Variants in USP34 observed in about 807,000 individuals in gnomAD.
USP34 encodes the protein ubiquitin specific peptidase 34.
USP34 carries 70 observed loss-of-function variants against 460.3 expected under a neutral mutation model. The observed-to-expected ratio is 0.15, with a 90% CI of 0.13 to 0.19. USP34 has a LOEUF of 0.19. Ranked by LOEUF, USP34 falls within the 10% of genes least tolerant of loss-of-function variation. The pLI, the probability that USP34 is intolerant of heterozygous loss-of-function variation, is 1.00. For missense variants in USP34, 3,985 were observed against 4,236.2 expected (o/e 0.94, Z 1.65); for synonymous variants, 1,647 against 1,405.3 (o/e 1.17, Z -3.85).
chr2:61,219,409 AC>A (rs893745843), intron 67 of USP34, among the ~76,000 whole-genome samples: 2 of 152,176 alleles, frequency 1.3e-5, no homozygotes, highest in African/African-American at 4.8e-5. Context: ...GGTGGCTCAC[AC>A]CTGTAATCCC....
At chr2:61,244,434 G>GT (rs1327140364) in intron 51 of USP34, among the ~76,000 whole-genome samples, 2 of 152,034 alleles carry the variant, frequency 1.3e-5, no homozygotes. Context: ...GGCCAACATG[G>GT]TGAAACTCCA....
chr2:61,416,810 C>CTT (rs538222690), intron 2 of USP34: 46 of 333,618 alleles, frequency 1.4e-4, no homozygotes, highest in Admixed American at 3.0e-4. Context: ...CCTCCCTAAT[C>CTT]TTTTTTTTTT....
At chr2:61,436,669 T>C (rs1172286712) in intron 1 of USP34, among the ~76,000 whole-genome samples, 1 of 152,208 alleles carries the variant, frequency 6.6e-6, no homozygotes, top group Non-Finnish European at 1.5e-5. Flanking sequence ...AGTTTTCAAC[T>C]GCATCATAGA....
chr2:61,421,847 G>A (rs1694370552), intron 1 of USP34, among the ~76,000 whole-genome samples: 1 of 152,090 alleles, frequency 6.6e-6, no homozygotes, highest in African/African-American at 2.4e-5. Flanking sequence ...ACAATGTTGA[G>A]ACTTACAGCA....
Position 61,235,938 on chromosome 2 carries a change from A to G in USP34, c.6967-28T>C, listed in dbSNP as rs774620070. 27 of 1,606,304 alleles carry G rather than the reference A, an allele frequency of 1.7e-5. No homozygotes were observed. In the African/African-American group the frequency reaches 3.1e-4, roughly 18 times the overall value. The stretch of plus-strand genomic sequence containing the variant: ...AGAAAAGAAAAGTCAGTCAAAGCAT[A>G]TGAACTTCTGAGCCAACAATAACAA... On this transcript the variant is annotated intron_variant, in intron 56 of 79. Coordinates refer to ENST00000398571, the MANE Select transcript of USP34 (RefSeq NM_014709.4).
At chr2:61,222,722 G>A (rs542525567) in intron 64 of USP34, 59 bp from the exon 65 acceptor site, 1 of 1,515,644 alleles carries the variant, frequency 6.6e-7, no homozygotes, top group Admixed American at 1.8e-5. Context: ...TTTGAGACAG[G>A]GTTTCGCTAT....
chr2:61,304,967 A>G (rs1391089772), intron 27 of USP34, among the ~76,000 whole-genome samples: 1 of 152,190 alleles, frequency 6.6e-6, no homozygotes, highest in African/African-American at 2.4e-5. Context: ...TTGATTTATA[A>G]TTGAATACTG....
intron 1 of USP34, among the ~76,000 whole-genome samples, chr2:61,456,911 G>A (rs1015706787): frequency 6.6e-5 from 10 of 152,014 alleles, no homozygotes; most frequent in South Asian, 2.1e-4. Flanking sequence ...CACCTGGGAC[G>A]TTGAGGCTGC....
intron 18 of USP34, among the ~76,000 whole-genome samples, chr2:61,338,320 C>A (rs984427199): frequency 2.0e-5 from 3 of 151,874 alleles, no homozygotes; most frequent in African/African-American, 7.3e-5. Context: ...GACTCCATGT[C>A]CAAAAAAACA....
intron 1 of USP34, among the ~76,000 whole-genome samples, chr2:61,435,642 T>C (rs899558432): frequency 6.6e-6 from 1 of 152,232 alleles, no homozygotes; most frequent in African/African-American, 2.4e-5. Context: ...ATATATAATG[T>C]AGTAACTAAA....
intron 48 of USP34, among the ~76,000 whole-genome samples, chr2:61,253,982 G>A (rs893365450): frequency 1.3e-5 from 2 of 152,310 alleles, no homozygotes; most frequent in Admixed American, 1.3e-4. Context: ...CAATCCACCT[G>A]CCTTGGCCTC....
chr2:61,470,959 G>A lies in USP34; in HGVS notation c.-267C>T, dbSNP rs1354631266. Among the ~76,000 whole-genome samples the A allele has an allele frequency of 7.6e-6, 1 of 131,164 alleles. No homozygotes were observed. Among genetic ancestry groups the A allele is most frequent in the African/African-American group, 2.7e-5 (1 of 36,596 alleles). 86.0% of individuals were successfully genotyped at this position (131,164 alleles called of 152,430 possible). A position where few individuals can be genotyped will look rare whatever the true frequency, so the allele number is the denominator to read the frequency against. ...CGAGGCGCCGGCGGCGGGGAAGGGG[G>A]GGAAGGACGGGGGGAGGGGAGAGGG... On this transcript the variant is annotated 5_prime_UTR_variant, in exon 1 of 80. Transcript: ENST00000398571.
rs1309636907 is a variant in USP34 at position 61,226,700 on chromosome 2, A to G, written c.7595+367T>C. ...TTGCTATCAGAAGCATGGTTTCAAT[A>G]AACAGATTTGCATATACATCTTTCT... On this transcript the variant is annotated intron_variant, in intron 62 of 79. Transcript: ENST00000398571. 3.6e-5 allele frequency: 6 copies of G among 164,782 alleles called. No homozygotes were observed. In the Admixed American group the frequency reaches 3.8e-4, roughly 11 times the overall value. The allele number at this position is 164,782 out of a possible 1,614,324, so 10.2% of individuals were successfully genotyped here. A position where few individuals can be genotyped will look rare whatever the true frequency, so the allele number is the denominator to read the frequency against.
intron 70 of USP34, chr2:61,207,167 A>C (rs899569541): frequency 4.3e-6 from 1 of 230,836 alleles, no homozygotes; most frequent in African/African-American, 2.3e-5. Context: ...TAAGATTGTT[A>C]AGTCTTCAAA....
chr2:61,284,130 A>G (rs960608332), intron 35 of USP34, among the ~76,000 whole-genome samples: 2 of 152,272 alleles, frequency 1.3e-5, no homozygotes, highest in Non-Finnish European at 2.9e-5. Flanking sequence ...TTCAGATTTA[A>G]TAAACAAAAT....
In USP34 at chr2:61,188,925, C is replaced by T. The variant is rs779316354; in HGVS notation, c.10018G>A (p.Glu3340Lys). ...TAAAGCTAACCTTTAGTTTTTCTTTCTTTGGCTTCTTGCTCTTGGAGTGAG... is the reference window on the plus strand; with the variant it reads ...TAAAGCTAACCTTTAGTTTTTCTTTTTTTGGCTTCTTGCTCTTGGAGTGAG... ...RNSLQEQEAK[E>K]RKTKDDEGAT... The change falls in exon 79 of 80, where the codon GAA (glutamate) becomes AAA (lysine). Residue 3340 changes from glutamate (E) to lysine (K), a missense_variant. This residue lies in a region of USP34 where 506 missense variants were observed against 439.0 expected (regional missense o/e 1.15). Transcript: ENST00000398571. 1.9e-6 allele frequency: 3 copies of T among 1,614,054 alleles called. No homozygotes were observed. Among genetic ancestry groups the T allele is most frequent in the Non-Finnish European group, 2.5e-6 (3 of 1,179,994 alleles).
At chr2:61,209,555 CAT>C (rs1216642353) in intron 69 of USP34, among the ~76,000 whole-genome samples, 4 of 152,330 alleles carry the variant, frequency 2.6e-5, no homozygotes, top group South Asian at 2.1e-4. Flanking sequence ...GCATTACCCA[CAT>C]GTCTCTGATG....
intron 1 of USP34, among the ~76,000 whole-genome samples, chr2:61,461,031 G>C (rs1695583690): frequency 6.6e-6 from 1 of 150,910 alleles, no homozygotes; most frequent in African/African-American, 2.4e-5. Context: ...TTTTGTTGTT[G>C]TTGTTATTTC....
At chr2:61,349,141 T>C (rs1423601168) in intron 13 of USP34, 109 bp downstream of exon 13, 4 of 1,345,492 alleles carry the variant, frequency 3.0e-6, no homozygotes, top group Admixed American at 4.7e-5. Flanking sequence ...CTCCTCAAAA[T>C]GAACTTTATG....
Sources: gnomAD v4.1 joint callset for allele counts (sites outside exome capture counted in the v4.1 genomes callset) on GRCh38, gnomAD v4.1.1 for gene constraint, gnomAD v4.1.1 regional missense constraint, MANE v1.5 for transcripts, NCBI Gene and HGNC (gene_info 2026-07-23, HGNC 2026-07-21) for gene names.